Variants in ASB18 observed in about 807,000 individuals in gnomAD.
The protein encoded by ASB18 is ankyrin repeat and SOCS box protein 18.
Under a neutral mutation model 33.4 loss-of-function variants are expected in ASB18, and 33 were observed. The observed-to-expected ratio is 0.99, with a 90% CI of 0.75 to 1.32. ASB18 has a LOEUF of 1.32. Among genes scored for constraint, ASB18 ranks in the 40% most tolerant of loss-of-function variants. The pLI is 0.00. For missense variants in ASB18, 694 were observed against 655.5 expected (o/e 1.06, Z -0.64); for synonymous variants, 295 against 307.6 (o/e 0.96, Z 0.43).
At position 236,196,123 on chromosome 2, in the gene ASB18, A is replaced by G; in HGVS notation, c.1215+149T>C. On this transcript the variant is annotated intron_variant, in intron 5 of 5. Transcript: ENST00000409749. This position sits in a 1 kb window ranked among gnomAD's most constrained non-coding sequence, Gnocchi z 5.6. ...GATTATGGAGCCTCCAGAAAAAACC[A>G]GAAACGTGCAAATACACCCTCATTT... 1.5e-6 allele frequency: 1 copy of G among 683,610 alleles called. No individual in the cohort carries two copies. Among genetic ancestry groups the G allele is most frequent in the Non-Finnish European group, 2.7e-6 (1 of 367,524 alleles). 42.3% of individuals were successfully genotyped at this position (683,610 alleles called of 1,614,324 possible).
chr2:236,235,796 C>T lies in ASB18; in HGVS notation c.596+1893G>A, dbSNP rs1175190382. Among the ~76,000 whole-genome samples, 3 of 152,198 alleles carry T rather than the reference C, an allele frequency of 2.0e-5. No individual in the cohort carries two copies. The highest frequency in any genetic ancestry group is 2.1e-4 in the South Asian group (1 of 4,828). ...AACATGGCTTACTCCTGTGCTCAAG[C>T]GATCCTCCCACCTCAGCCCCCTGAG... On this transcript the variant is annotated intron_variant, in intron 3 of 5. Transcript: ENST00000409749. The surrounding 1 kb of genome is among the most constrained non-coding windows in gnomAD (Gnocchi z 6.2).
At position 236,249,452 on chromosome 2, in the gene ASB18, A is replaced by C. The variant is rs556188745; in HGVS notation, c.206-8050T>G. ...ACTCTTCACTTCCATTTCTGTTTCC[A>C]TTCTCTCTGGTACAGCCATGGAAAT... On this transcript the variant is annotated intron_variant, in intron 1 of 5. Transcript: ENST00000409749. This position sits in a 1 kb window ranked among gnomAD's most constrained non-coding sequence, Gnocchi z 4.6. 2.0e-5 allele frequency: 3 copies of C among 152,024 alleles called. No individual in the cohort carries two copies. Among genetic ancestry groups the C allele is most frequent in the Admixed American group, 6.6e-5 (1 of 15,252 alleles). 9.4% of individuals were successfully genotyped at this position (152,024 alleles called of 1,614,324 possible).
At position 236,237,403 on chromosome 2, in the gene ASB18, GC is replaced by G. The variant is rs2106278485; in HGVS notation, c.596+285del. ...GCGCGGGGCGGGGGCCGGGGCCGGGGCGCGGGGCGGGGGCCGGGGCCGGGGC... is the reference window on the plus strand; with the variant it reads ...GCGCGGGGCGGGGGCCGGGGCCGGGGGCGGGGCGGGGGCCGGGGCCGGGGC... On this transcript the variant is annotated intron_variant, in intron 3 of 5. Transcript: ENST00000409749. This position sits in a 1 kb window ranked among gnomAD's most constrained non-coding sequence, Gnocchi z 6.2. Among the ~76,000 whole-genome samples the G allele has an allele frequency of 4.0e-5, 4 of 101,170 alleles. 1 individual carries two copies. In the South Asian group the frequency reaches 8.1e-4, roughly 21 times the overall value. 66.4% of individuals were successfully genotyped at this position (101,170 alleles called of 152,430 possible).
chr2:236,205,562 T>G lies in ASB18; in HGVS notation c.1101+8800A>C, dbSNP rs72620807. ...AATGCCTGTCTTCCCCATTAGAATG[T>G]AAGCTCCACATAGGCAGGAATACTT... On this transcript the variant is annotated intron_variant, in intron 4 of 5. Transcript: ENST00000409749. The surrounding 1 kb of genome is among the most constrained non-coding windows in gnomAD (Gnocchi z 5.4). Among the ~76,000 whole-genome samples the G allele has an allele frequency of 0.17, 26,190 of 152,254 alleles. 2,279 individuals carry two copies. The highest frequency in any genetic ancestry group is 0.25 in the South Asian group (1,203 of 4,822).
chr2:236,241,351 T>A lies in ASB18; in HGVS notation c.257A>T (p.Asn86Ile), dbSNP rs560027825. ...ATCCTTATTGATCTCAAACACCACG[T>A]TGGCATCCTGGAAGAACTGGTCCAT... is the stretch of plus-strand genomic sequence containing the variant. ...PLMDQFFQDA[N>I]VVFEINKDEM... The change falls in exon 2 of 6, where the codon AAC becomes ATC. Residue 86 changes from asparagine to isoleucine, a missense_variant. Physicochemically the swap from Asn to Ile is moderately radical, Grantham distance 149. Transcript: ENST00000409749. This position sits in a 1 kb window ranked among gnomAD's most constrained non-coding sequence, Gnocchi z 4.2. The A allele has an allele frequency of 3.7e-6, 6 of 1,613,848 alleles. No individual in the cohort carries two copies. In the African/African-American group the frequency reaches 4.0e-5, roughly 11 times the overall value.
At chr2:236,258,174 G>A (rs151242393) in intron 1 of ASB18, among the ~76,000 whole-genome samples, 55 of 152,252 alleles carry the variant, frequency 3.6e-4, no homozygotes, top group African/African-American at 1.3e-3. Context: ...GCCTTCCTTC[G>A]AAGGCAGGGT....
rs2060368537 is a variant in ASB18 at position 236,195,680 on chromosome 2, TA to T, written c.1215+591del. Among the ~76,000 whole-genome samples, 1 of 152,022 alleles carries T rather than the reference TA, an allele frequency of 6.6e-6. No homozygotes were observed. Among genetic ancestry groups the T allele is most frequent in the African/African-American group, 2.4e-5 (1 of 41,360 alleles). ...ACAGGCGCTTGCCACCATGCTTGGG[TA>T]ATTTCTGTATTTTCAGTAAAGACAA... On this transcript the variant is annotated intron_variant, in intron 5 of 5. Transcript: ENST00000409749. The surrounding 1 kb of genome is among the most constrained non-coding windows in gnomAD (Gnocchi z 5.5).
In ASB18 at chr2:236,220,915, G is replaced by A. The variant is rs181636819; in HGVS notation, c.597-6049C>T. On this transcript the variant is annotated intron_variant, in intron 3 of 5. Transcript: ENST00000409749. This position sits in a 1 kb window ranked among gnomAD's most constrained non-coding sequence, Gnocchi z 5.1. ...CTCTTATCACTCCACAGGAATTCCT[G>A]GACAGACTCACCGACAGGACACTGA... Among the ~76,000 whole-genome samples the A allele has an allele frequency of 6.6e-6, 1 of 152,276 alleles. No homozygotes were observed. The highest frequency in any genetic ancestry group is 1.5e-5 in the Non-Finnish European group (1 of 68,024).
Position 236,235,366 on chromosome 2 carries a change from G to A in ASB18, c.596+2323C>T, listed in dbSNP as rs776431299. On this transcript the variant is annotated intron_variant, in intron 3 of 5. Coordinates refer to ENST00000409749, the MANE Select transcript of ASB18 (RefSeq NM_212556.4). The surrounding 1 kb of genome is among the most constrained non-coding windows in gnomAD (Gnocchi z 6.2). ...AGGCTTAATCATATAGCCTAGGTGG[G>A]CAGTAGGCTATGCCATCCTGGTTTG... is the stretch of plus-strand genomic sequence containing the variant. Among the ~76,000 whole-genome samples, 2 of 152,180 alleles carry A rather than the reference G, an allele frequency of 1.3e-5. No homozygotes were observed. The highest frequency in any genetic ancestry group is 2.4e-5 in the African/African-American group (1 of 41,424).
chr2:236,255,527 C>T lies in ASB18; in HGVS notation c.205+8614G>A, dbSNP rs900185784. 6.6e-6 allele frequency among the ~76,000 whole-genome samples: 1 copy of T among 152,168 alleles called. No homozygotes were observed. The highest frequency in any genetic ancestry group is 6.6e-5 in the Admixed American group (1 of 15,266). On this transcript the variant is annotated intron_variant, in intron 1 of 5. Transcript: ENST00000409749. The surrounding 1 kb of genome is among the most constrained non-coding windows in gnomAD (Gnocchi z 4.4). ...TTTCAGGTGGGCACATTGCATGCCACAGGGATTTTGCTGGTAAAGCAGGAG... is the reference window on the plus strand; with the variant it reads ...TTTCAGGTGGGCACATTGCATGCCATAGGGATTTTGCTGGTAAAGCAGGAG...
In ASB18 at chr2:236,257,505, C is replaced by A. The variant is rs1313377550; in HGVS notation, c.205+6636G>T. ...GCTCAATGATTTGAAACCAGGGACT[C>A]TATCTACTGAGATTGTGTGCACGTG... On this transcript the variant is annotated intron_variant, in intron 1 of 5. Coordinates refer to ENST00000409749, the MANE Select transcript of ASB18 (RefSeq NM_212556.4). The surrounding 1 kb of genome is among the most constrained non-coding windows in gnomAD (Gnocchi z 5.5). 3.3e-5 allele frequency among the ~76,000 whole-genome samples: 5 copies of A among 152,306 alleles called. No individual in the cohort carries two copies. The highest frequency in any genetic ancestry group is 1.2e-4 in the African/African-American group (5 of 41,562).
rs181493104 is a variant in ASB18 at position 236,200,149 on chromosome 2, C to G, written c.1102-3764G>C. Among the ~76,000 whole-genome samples, 319 of 152,226 alleles carry G rather than the reference C, an allele frequency of 2.1e-3. No individual in the cohort carries two copies. The highest frequency in any genetic ancestry group is 7.2e-3 in the African/African-American group (301 of 41,542). On this transcript the variant is annotated intron_variant, in intron 4 of 5. Coordinates refer to ENST00000409749, the MANE Select transcript of ASB18 (RefSeq NM_212556.4). This position sits in a 1 kb window ranked among gnomAD's most constrained non-coding sequence, Gnocchi z 4.2. Reference sequence around the variant, plus strand: ...ATCACCTGAGGTCAGGAGTTCGATACTAGCCTGGCCAACATGGTGAAGCTC... The same window carrying G: ...ATCACCTGAGGTCAGGAGTTCGATAGTAGCCTGGCCAACATGGTGAAGCTC...
chr2:236,230,889 T>A (rs1336953027), intron 3 of ASB18, among the ~76,000 whole-genome samples: 1 of 136,644 alleles, frequency 7.3e-6, no homozygotes, highest in Admixed American at 7.3e-5. Flanking sequence ...TAAATGTGAA[T>A]GATCTACACC....
chr2:236,216,348 A>G lies in ASB18; in HGVS notation c.597-1482T>C, dbSNP rs1318199907. Among the ~76,000 whole-genome samples the G allele has an allele frequency of 6.6e-6, 1 of 152,114 alleles. No homozygotes were observed. The highest frequency in any genetic ancestry group is 1.5e-5 in the Non-Finnish European group (1 of 68,034). On this transcript the variant is annotated intron_variant, in intron 3 of 5. Coordinates refer to ENST00000409749, the MANE Select transcript of ASB18 (RefSeq NM_212556.4). The surrounding 1 kb of genome is among the most constrained non-coding windows in gnomAD (Gnocchi z 6.1). ...CTTCATTCAGGGTGCAGCTCCCAGG[A>G]ACTCCCTCACCTGCCTGCCTTCTGC... is the stretch of plus-strand genomic sequence containing the variant.
chr2:236,254,122 A>G (rs1234507058), intron 1 of ASB18: 1 of 152,202 alleles, frequency 6.6e-6, no homozygotes, highest in African/African-American at 2.4e-5. Context: ...CTCACATGAA[A>G]GCAGCCATAA....
rs1308814359 is a variant in ASB18 at position 236,262,192 on chromosome 2, CAATACACA to C, written c.205+1941_205+1948del. Among the ~76,000 whole-genome samples the C allele has an allele frequency of 1.3e-5, 2 of 152,176 alleles. No individual in the cohort carries two copies. Among genetic ancestry groups the C allele is most frequent in the African/African-American group, 4.8e-5 (2 of 41,446 alleles). On this transcript the variant is annotated intron_variant, in intron 1 of 5. Transcript: ENST00000409749. The surrounding 1 kb of genome is among the most constrained non-coding windows in gnomAD (Gnocchi z 5.2). ...AAAGGATATTTAGGTTCAGGATTCC[CAATACACA>C]AATCTTCAACCGGCTGGGACTGGTT...
Position 236,231,922 on chromosome 2 carries a change from C to G in ASB18, c.596+5767G>C, listed in dbSNP as rs1369093232. The stretch of plus-strand genomic sequence containing the variant: ...CCACAATTATACTTAGAGAGTTTGA[C>G]ACTCTTCTTTCAATAACTTGTAAAA... On this transcript the variant is annotated intron_variant, in intron 3 of 5. Coordinates refer to ENST00000409749, the MANE Select transcript of ASB18 (RefSeq NM_212556.4). This position sits in a 1 kb window ranked among gnomAD's most constrained non-coding sequence, Gnocchi z 5.5. 1.3e-5 allele frequency among the ~76,000 whole-genome samples: 2 copies of G among 152,186 alleles called. No individual in the cohort carries two copies. The highest frequency in any genetic ancestry group is 4.8e-5 in the African/African-American group (2 of 41,454).
chr2:236,261,875 T>G (rs1380294600), intron 1 of ASB18, among the ~76,000 whole-genome samples: 2 of 152,166 alleles, frequency 1.3e-5, no homozygotes, highest in East Asian at 3.9e-4. Context: ...GGGAAGCCCC[T>G]TATAAAACCA....
rs962667071 is a variant in ASB18 at position 236,223,263 on chromosome 2, G to A, written c.597-8397C>T. Among the ~76,000 whole-genome samples, 1 of 152,144 alleles carries A rather than the reference G, an allele frequency of 6.6e-6. No homozygotes were observed. Among genetic ancestry groups the A allele is most frequent in the African/African-American group, 2.4e-5 (1 of 41,434 alleles). On this transcript the variant is annotated intron_variant, in intron 3 of 5. Transcript: ENST00000409749. This position sits in a 1 kb window ranked among gnomAD's most constrained non-coding sequence, Gnocchi z 4.6. ...AAGAATGGCCTAATACACTTCACATGCCCACTAAGCAGCATTTGACTTTCT... is the reference window on the plus strand; with the variant it reads ...AAGAATGGCCTAATACACTTCACATACCCACTAAGCAGCATTTGACTTTCT...
Sources: gnomAD v4.1 joint callset for allele counts (sites outside exome capture counted in the v4.1 genomes callset) on GRCh38, gnomAD v4.1.1 for gene constraint, Gnocchi (gnomAD v3.1) non-coding constraint, MANE v1.5 for transcripts, NCBI Gene and HGNC (gene_info 2026-07-23, HGNC 2026-07-21) for gene names.